The following IRAK1BP1 variants were observed in gnomAD, a reference collection of about 807,000 sequenced individuals.
IRAK1BP1 encodes the protein interleukin-1 receptor-associated kinase 1-binding protein 1.
IRAK1BP1 carries 24 observed loss-of-function variants against 28.0 expected under a neutral mutation model. The observed-to-expected ratio is 0.86, with a 90% CI of 0.62 to 1.20. The LOEUF is 1.20. Among genes scored for constraint, IRAK1BP1 ranks in the 50% most tolerant of loss-of-function variants. The pLI is 0.00. For synonymous variants in IRAK1BP1, 131 were observed against 116.3 expected, an observed-to-expected ratio of 1.13 and a Z score of -0.81; for missense variants, 336 against 316.7, an observed-to-expected ratio of 1.06 and a Z score of -0.46.
intron 4 of IRAK1BP1, among the ~76,000 whole-genome samples, chr6:78,914,317 AG>A (rs938659653): frequency 5.9e-5 from 9 of 152,236 alleles, no homozygotes; most frequent in African/African-American, 2.2e-4. Flanking sequence ...TTAATTTTGA[AG>A]ATAAGCCATT....
chr6:78,876,376 C>T (rs540742447), intron 1 of IRAK1BP1, among the ~76,000 whole-genome samples: 16 of 152,198 alleles, frequency 1.1e-4, no homozygotes, highest in African/African-American at 2.9e-4. Context: ...TTTATAGCAG[C>T]GTGAAAATGG....
the IRAK1BP1 span, among the ~76,000 whole-genome samples, chr6:78,963,991 A>G: frequency 6.6e-6 from 1 of 152,232 alleles, no homozygotes. Flanking sequence ...ATATTTAGGT[A>G]GGAAACAAAA....
chr6:78,879,787 A>G (rs765142869), intron 1 of IRAK1BP1, among the ~76,000 whole-genome samples: 1 of 152,236 alleles, frequency 6.6e-6, no homozygotes, highest in Non-Finnish European at 1.5e-5. Context: ...GCTTCCCAGC[A>G]GCTAATGCAG....
chr6:78,923,456 A>C (rs961831837), intron 4 of IRAK1BP1, among the ~76,000 whole-genome samples: 9 of 152,188 alleles, frequency 5.9e-5, no homozygotes, highest in African/African-American at 2.2e-4. Context: ...TTTGACTCCC[A>C]CACAATAATA....
Position 78,892,597 on chromosome 6 carries a change from A to G in IRAK1BP1, c.382-5232A>G, listed in dbSNP as rs144231295. 8.5e-4 allele frequency among the ~76,000 whole-genome samples: 129 copies of G among 152,270 alleles called. 1 individual carries two copies. The highest frequency in any genetic ancestry group is 2.4e-3 in the Admixed American group (36 of 15,282). ...ATAGCAGAGAAGTAAAGCTCATAAT[A>G]AGGAGAAAAATCAATTCCAAACCAA... is the stretch of plus-strand genomic sequence containing the variant. On this transcript the variant is annotated intron_variant, in intron 2 of 3. Coordinates refer to ENST00000369940, the MANE Select transcript of IRAK1BP1 (RefSeq NM_001010844.4).
rs1770791322 is a variant in IRAK1BP1, at chr6:78,871,533, TC to T, written c.315+3643del. The stretch of plus-strand genomic sequence containing the variant: ...AGAACTTACCTTACATCATGACACA[TC>T]AAGGCATATAGTTCTTGCAATGGAC... On this transcript the variant is annotated intron_variant, in intron 1 of 3. Transcript: ENST00000369940. 3.0e-6 allele frequency: 3 copies of T among 985,282 alleles called. No individual in the cohort carries two copies. The African/African-American group carries it at 5.2e-5, about 17-fold the overall frequency. 61.0% of individuals were successfully genotyped at this position (985,282 alleles called of 1,614,324 possible). A position where few individuals can be genotyped will look rare whatever the true frequency, so the allele number is the denominator to read the frequency against.
intron 2 of IRAK1BP1, among the ~76,000 whole-genome samples, chr6:78,889,116 C>CAAAA (rs201870779): frequency 7.6e-5 from 6 of 78,944 alleles, no homozygotes; most frequent in Non-Finnish European, 9.8e-5. Flanking sequence ...GACTCTGTCT[C>CAAAA]AAAAAAAAAA....
the IRAK1BP1 span, among the ~76,000 whole-genome samples, chr6:78,971,873 G>A: frequency 5.3e-4 from 80 of 152,272 alleles, 2 homozygotes; most frequent in South Asian, 0.012. Flanking sequence ...GGCTCGGAGG[G>A]TCCTACCCCA....
the IRAK1BP1 span, among the ~76,000 whole-genome samples, chr6:78,958,813 G>A: frequency 6.6e-6 from 1 of 152,074 alleles, no homozygotes; most frequent in Admixed American, 6.6e-5. Context: ...CATACAAGAT[G>A]TCTGGAATGG....
At chr6:78,959,339 G>A in the IRAK1BP1 span, among the ~76,000 whole-genome samples, 1 of 152,036 alleles carries the variant, frequency 6.6e-6, no homozygotes, top group East Asian at 1.9e-4. Context: ...TCTAATTGTG[G>A]ACATAGAAAC....
chr6:78,915,522 T>A (rs554933308), intron 4 of IRAK1BP1, among the ~76,000 whole-genome samples: 2 of 152,278 alleles, frequency 1.3e-5, no homozygotes, highest in African/African-American at 4.8e-5. Context: ...CACACTTCCC[T>A]CAGACTATCC....
At chr6:78,890,110 G>A (rs979254032) in intron 2 of IRAK1BP1, among the ~76,000 whole-genome samples, 5 of 152,114 alleles carry the variant, frequency 3.3e-5, no homozygotes, top group Non-Finnish European at 5.9e-5. Flanking sequence ...ATGCGTTCAT[G>A]TTCTTTGCGG....
At chr6:78,915,307 G>C (rs1772532051) in intron 4 of IRAK1BP1, among the ~76,000 whole-genome samples, 1 of 152,164 alleles carries the variant, frequency 6.6e-6, no homozygotes, top group South Asian at 2.1e-4. Context: ...AATTCATCAA[G>C]AAGTTGGAAA....
At chr6:78,951,803 G>A in the IRAK1BP1 span, among the ~76,000 whole-genome samples, 1 of 152,156 alleles carries the variant, frequency 6.6e-6, no homozygotes, top group African/African-American at 2.4e-5. Flanking sequence ...TTTGCCTATT[G>A]TCTCAGAATA....
At chr6:78,948,841 G>GT (rs144476974), downstream of IRAK1BP1, among the ~76,000 whole-genome samples, 1,030 of 152,286 alleles carry the variant, frequency 6.8e-3, 6 homozygotes, top group African/African-American at 0.023. Flanking sequence ...TTTTTGAAGT[G>GT]TAACAACTTG....
chr6:78,911,065 G>C (rs964490240), intron 4 of IRAK1BP1, among the ~76,000 whole-genome samples: 4 of 152,144 alleles, frequency 2.6e-5, no homozygotes, highest in African/African-American at 9.7e-5. Flanking sequence ...GATGGCCTTC[G>C]TGTCCTCTGC....
chr6:78,963,074 T>C, the IRAK1BP1 span: 3 of 1,555,088 alleles, frequency 1.9e-6, no homozygotes, highest in Non-Finnish European at 2.6e-6. Flanking sequence ...GTTTTTTCTA[T>C]ACTCGCGTGT....
intron 2 of IRAK1BP1, among the ~76,000 whole-genome samples, chr6:78,887,921 T>C (rs1771488294): frequency 6.6e-6 from 1 of 152,164 alleles, no homozygotes; most frequent in Non-Finnish European, 1.5e-5. Flanking sequence ...CATTGCAGCA[T>C]TATTCACAAT....
At chr6:78,959,375 TAG>T in the IRAK1BP1 span, among the ~76,000 whole-genome samples, 1 of 152,118 alleles carries the variant, frequency 6.6e-6, no homozygotes, top group Non-Finnish European at 1.5e-5. Flanking sequence ...GCATTTCAAA[TAG>T]ATTCACAAGG....
Sources: allele counts gnomAD v4.1 joint callset (sites outside exome capture counted in the v4.1 genomes callset), GRCh38; gene constraint gnomAD v4.1.1; transcripts MANE v1.5; gene names NCBI Gene and HGNC (gene_info 2026-07-23, HGNC 2026-07-21).